HPSE2: variants seen among roughly 807,000 people sequenced by gnomAD.
The protein encoded by HPSE2 is heparanase 2 (inactive).
A neutral mutation model predicts 60.5 loss-of-function variants in HPSE2; 38 were observed. That is an observed-to-expected ratio of 0.63 (90% CI 0.48 to 0.82). The LOEUF (loss-of-function observed/expected upper bound fraction) is 0.82. Among genes scored for constraint, HPSE2 ranks in the 40% least tolerant of loss-of-function variants. The pLI is 0.00. For synonymous variants in HPSE2, 295 were observed against 293.2 expected (o/e 1.01, Z -0.06); for missense variants, 713 against 740.4 (o/e 0.96, Z 0.43).
intron 2 of HPSE2, among the ~76,000 whole-genome samples, chr10:99,184,522 C>CCAAAAAAAAAAAAA (rs1847899081): frequency 1.6e-5 from 1 of 60,788 alleles, no homozygotes; most frequent in African/African-American, 1.2e-4. Context: ...GAGACTGTCT[C>CCAAAAAAAAAAAAA]AAAAAAAAAA....
At chr10:98,935,483 T>G (rs1455069344) in intron 3 of HPSE2, among the ~76,000 whole-genome samples, 2 of 144,068 alleles carry the variant, frequency 1.4e-5, no homozygotes, top group African/African-American at 2.8e-5. Context: ...GGGTCTTTTT[T>G]GTTGATGTTG....
chr10:98,589,433 C>A (rs932980856), intron 9 of HPSE2, among the ~76,000 whole-genome samples: 1 of 152,192 alleles, frequency 6.6e-6, no homozygotes, highest in Non-Finnish European at 1.5e-5. Flanking sequence ...AAATAGTGGT[C>A]AAGATGATGA....
intron 3 of HPSE2, among the ~76,000 whole-genome samples, chr10:98,816,597 A>G (rs911025172): frequency 6.6e-5 from 10 of 152,194 alleles, no homozygotes; most frequent in African/African-American, 1.9e-4. Flanking sequence ...TGGAAAAACA[A>G]CTGAGGTTAG....
intron 3 of HPSE2, among the ~76,000 whole-genome samples, chr10:98,746,213 T>C (rs1408043467): frequency 6.6e-6 from 1 of 152,248 alleles, no homozygotes; most frequent in Non-Finnish European, 1.5e-5. Context: ...CATTTAATTA[T>C]TATTTTTAGT....
At chr10:99,112,569 G>A (rs745812659) in intron 3 of HPSE2, among the ~76,000 whole-genome samples, 8 of 152,066 alleles carry the variant, frequency 5.3e-5, no homozygotes, top group South Asian at 2.1e-4. Context: ...GATTACAGGC[G>A]TGAGCCACCG....
At chr10:99,079,446 C>T (rs1293777456) in intron 3 of HPSE2, among the ~76,000 whole-genome samples, 1 of 152,062 alleles carries the variant, frequency 6.6e-6, no homozygotes, top group Non-Finnish European at 1.5e-5. Context: ...TTGGGCAGTC[C>T]ACAAGCAAGT....
chr10:98,925,027 A>G (rs1954408972), intron 3 of HPSE2, among the ~76,000 whole-genome samples: 1 of 152,180 alleles, frequency 6.6e-6, no homozygotes, highest in African/African-American at 2.4e-5. Context: ...AAAGTCGCCC[A>G]GCAGCTGTGC....
chr10:98,762,107 A>C (rs1182763596), intron 3 of HPSE2, among the ~76,000 whole-genome samples: 1 of 150,290 alleles, frequency 6.7e-6, no homozygotes, highest in Non-Finnish European at 1.5e-5. Context: ...TTTTATGGCT[A>C]TGACATTGAT....
chr10:98,553,833 G>T (rs1424259128), intron 9 of HPSE2, among the ~76,000 whole-genome samples: 1 of 152,070 alleles, frequency 6.6e-6, no homozygotes, highest in African/African-American at 2.4e-5. Context: ...TGCTGTTTTG[G>T]GGGGCTGTTT....
chr10:98,851,922 G>T (rs986566996), intron 3 of HPSE2, among the ~76,000 whole-genome samples: 3 of 152,132 alleles, frequency 2.0e-5, no homozygotes, highest in Non-Finnish European at 2.9e-5. Context: ...GGGAGAAACA[G>T]ATACTGTAAT....
chr10:99,199,479 T>C (rs1203103491), intron 2 of HPSE2, among the ~76,000 whole-genome samples: 2 of 152,068 alleles, frequency 1.3e-5, no homozygotes, highest in East Asian at 3.9e-4. Context: ...AGGGTCCGAT[T>C]TTATTCTTTT....
intron 3 of HPSE2, among the ~76,000 whole-genome samples, chr10:98,997,713 T>C (rs1956681389): frequency 6.6e-6 from 1 of 152,208 alleles, no homozygotes; most frequent in African/African-American, 2.4e-5. Flanking sequence ...TAATATTTTA[T>C]AGGAAGAACA....
At chr10:99,105,061 TA>T (rs56694752) in intron 3 of HPSE2, among the ~76,000 whole-genome samples, 26,513 of 138,120 alleles carry the variant, frequency 0.19, 3,468 homozygotes, top group African/African-American at 0.4. Flanking sequence ...TAAAATATAA[TA>T]AAAAAAAAAA....
At chr10:98,806,053 T>C (rs1020439411) in intron 3 of HPSE2, among the ~76,000 whole-genome samples, 1 of 152,230 alleles carries the variant, frequency 6.6e-6, no homozygotes, top group Non-Finnish European at 1.5e-5. Flanking sequence ...TTTCAGTGCA[T>C]GGACTATTGT....
chr10:98,663,004 A>G (rs951147081), intron 6 of HPSE2, among the ~76,000 whole-genome samples: 1 of 152,246 alleles, frequency 6.6e-6, no homozygotes, highest in Non-Finnish European at 1.5e-5. Context: ...GAGTTTAGAA[A>G]TAGATGAAGG....
intron 3 of HPSE2, among the ~76,000 whole-genome samples, chr10:98,861,373 A>G (rs1952454977): frequency 6.6e-6 from 1 of 152,208 alleles, no homozygotes; most frequent in Non-Finnish European, 1.5e-5. Flanking sequence ...GGAAGTCCAA[A>G]TTATAATATA....
rs138039497 is a variant in HPSE2, at chr10:98,714,195, CTT to C, written c.956+7460_956+7461del. Among the ~76,000 whole-genome samples the C allele has an allele frequency of 5.1e-3, 771 of 151,936 alleles. 7 individuals carry two copies. Among genetic ancestry groups the C allele is most frequent in the African/African-American group, 0.017 (713 of 41,492 alleles). ...TATCTTCTAAATATTTTATTAGACTCTTAAACGCTTTTTGGAAATATAATTTA... is the reference window on the plus strand; with the variant it reads ...TATCTTCTAAATATTTTATTAGACTCAAACGCTTTTTGGAAATATAATTTA... On this transcript the variant is annotated intron_variant, in intron 5 of 11. Coordinates refer to ENST00000370552, the MANE Select transcript of HPSE2 (RefSeq NM_021828.5).
intron 3 of HPSE2, among the ~76,000 whole-genome samples, chr10:98,759,390 C>T (rs914182873): frequency 6.6e-6 from 1 of 152,002 alleles, no homozygotes; most frequent in Non-Finnish European, 1.5e-5. Context: ...ACACTTTTCC[C>T]CTGTGATATC....
At chr10:98,812,339 G>C (rs749279406) in intron 3 of HPSE2, among the ~76,000 whole-genome samples, 14 of 152,042 alleles carry the variant, frequency 9.2e-5, no homozygotes, top group Non-Finnish European at 1.8e-4. Context: ...ATTTGGAAAG[G>C]GAAAGACAGG....
Sources: gnomAD v4.1 joint callset for allele counts (sites outside exome capture counted in the v4.1 genomes callset) on GRCh38, gnomAD v4.1.1 for gene constraint, MANE v1.5 for transcripts, NCBI Gene and HGNC (gene_info 2026-07-23, HGNC 2026-07-21) for gene names.